Variants in CHST11 observed in about 807,000 individuals in gnomAD.
CHST11 encodes the protein carbohydrate sulfotransferase 11, also known as C4S-1.
CHST11 carries 9 observed loss-of-function variants against 30.4 expected under a neutral mutation model. That is an observed-to-expected ratio of 0.30 (90% CI 0.18 to 0.52). CHST11 has a LOEUF of 0.52. Among genes scored for constraint, CHST11 ranks in the 20% least tolerant of loss-of-function variants. The pLI is 0.97. For missense variants in CHST11, 348 were observed against 460.6 expected, an observed-to-expected ratio of 0.76 and a Z score of 2.24; for synonymous variants, 152 against 187.8, an observed-to-expected ratio of 0.81 and a Z score of 1.56.
At chr12:104,580,991 C>T (rs78356505) in intron 1 of CHST11, among the ~76,000 whole-genome samples, 26,313 of 152,158 alleles carry the variant, frequency 0.17, 3,718 homozygotes, top group African/African-American at 0.39. Context: ...TTATTGAGAT[C>T]AGGACAAAGT....
At chr12:104,512,072 A>AT (rs1474889841) in intron 1 of CHST11, among the ~76,000 whole-genome samples, 5 of 152,014 alleles carry the variant, frequency 3.3e-5, no homozygotes, top group Admixed American at 1.3e-4. Flanking sequence ...AAATTGTTAT[A>AT]TTTTTTCCCC....
In CHST11 at chr12:104,597,791, G is replaced by A. The variant is rs114995934; in HGVS notation, c.119-4115G>A. The stretch of plus-strand genomic sequence containing the variant: ...ATTTTGATGAATCCTGTTGTATTTT[G>A]GACTTGTCCTGGAAGTGGCCAGCCA... On this transcript the variant is annotated intron_variant, in intron 1 of 2. Transcript: ENST00000303694. Among the ~76,000 whole-genome samples the A allele has an allele frequency of 5.4e-3, 816 of 152,272 alleles. 7 individuals are homozygous for A. The highest frequency in any genetic ancestry group is 0.019 in the African/African-American group (793 of 41,538).
chr12:104,480,458 A>T (rs540403791), intron 1 of CHST11, among the ~76,000 whole-genome samples: 20 of 151,866 alleles, frequency 1.3e-4, no homozygotes, highest in African/African-American at 4.6e-4. Context: ...GGTGCCTGTA[A>T]TCCCAGCTAC....
intron 1 of CHST11, among the ~76,000 whole-genome samples, chr12:104,554,648 C>T (rs1185683470): frequency 1.3e-5 from 2 of 152,216 alleles, no homozygotes; most frequent in Admixed American, 1.3e-4. Context: ...GAGGAGTGAG[C>T]ATCCCCTGCC....
At chr12:104,654,116 T>G (rs1328998405) in intron 2 of CHST11, among the ~76,000 whole-genome samples, 1 of 152,138 alleles carries the variant, frequency 6.6e-6, no homozygotes, top group Non-Finnish European at 1.5e-5. Context: ...GTGCCGGGGA[T>G]GCAGAGGTGA....
At chr12:104,611,346 T>C (rs2039057843) in intron 2 of CHST11, among the ~76,000 whole-genome samples, 1 of 152,226 alleles carries the variant, frequency 6.6e-6, no homozygotes, top group Admixed American at 6.5e-5. Flanking sequence ...AAGTGCTCAG[T>C]AGCTGCATGT....
At chr12:104,558,509 T>G (rs184314935) in intron 1 of CHST11, among the ~76,000 whole-genome samples, 50 of 150,288 alleles carry the variant, frequency 3.3e-4, no homozygotes, top group African/African-American at 1.1e-3. Context: ...TTCTGTTGAC[T>G]ATTGTCATTC....
chr12:104,498,071 A>C (rs1373123982), intron 1 of CHST11, among the ~76,000 whole-genome samples: 1 of 151,696 alleles, frequency 6.6e-6, no homozygotes, highest in African/African-American at 2.4e-5. Context: ...GGCATGTACC[A>C]CCACACTTGG....
At chr12:104,496,796 A>G (rs1736704980) in intron 1 of CHST11, among the ~76,000 whole-genome samples, 1 of 151,904 alleles carries the variant, frequency 6.6e-6, no homozygotes, top group Admixed American at 6.6e-5. Flanking sequence ...AATCCTAGAG[A>G]GTTTGTAGGA....
intron 2 of CHST11, among the ~76,000 whole-genome samples, chr12:104,679,640 C>T (rs960169466): frequency 1.3e-5 from 2 of 152,156 alleles, no homozygotes; most frequent in Non-Finnish European, 2.9e-5. Context: ...CCTGAACATA[C>T]TGGGGCCGCC....
chr12:104,588,993 A>C (rs2038831991), intron 1 of CHST11: 1 of 152,212 alleles, frequency 6.6e-6, no homozygotes, highest in Non-Finnish European at 1.5e-5. Flanking sequence ...AGAATAACGA[A>C]ATTCTCATAC....
chr12:104,757,591 G>A lies in CHST11; in HGVS notation c.847G>A (p.Glu283Lys), dbSNP rs751574857. Residue 283 changes from glutamate (E) to lysine (K), a missense_variant, in exon 3 of 3, where the codon GAA becomes AAA. This residue lies in a region of CHST11 where 210 missense variants were observed against 287.2 expected (regional missense o/e 0.73). Coordinates refer to ENST00000303694, the MANE Select transcript of CHST11 (RefSeq NM_018413.6). This position sits in a 1 kb window ranked among gnomAD's most constrained non-coding sequence, Gnocchi z 6.5. ...YDLVGKYETL[E>K]EDSNYVLQLA... The stretch of plus-strand genomic sequence containing the variant: ...CCTCGTGGGCAAGTACGAGACACTG[G>A]AAGAGGATTCTAATTACGTCCTGCA... 1 of 1,614,180 alleles carries A rather than the reference G, an allele frequency of 6.2e-7. No homozygotes were observed. Among genetic ancestry groups the A allele is most frequent in the South Asian group, 1.1e-5 (1 of 91,080 alleles).
intron 2 of CHST11, among the ~76,000 whole-genome samples, chr12:104,634,239 C>T (rs1386572496): frequency 6.6e-6 from 1 of 152,198 alleles, no homozygotes. Context: ...TACCATGAAT[C>T]CCCAGTGCAT....
chr12:104,651,688 C>G (rs2039491319), intron 2 of CHST11, among the ~76,000 whole-genome samples: 1 of 152,174 alleles, frequency 6.6e-6, no homozygotes, highest in South Asian at 2.1e-4. Flanking sequence ...GGAAACAAAA[C>G]CAGGGCCTAT....
chr12:104,547,116 G>C (rs2038358151), intron 1 of CHST11, among the ~76,000 whole-genome samples: 1 of 152,230 alleles, frequency 6.6e-6, no homozygotes, highest in African/African-American at 2.4e-5. Flanking sequence ...CGAGTTTATA[G>C]TGCAGTGCCA....
chr12:104,709,488 C>G (rs1566048069), intron 2 of CHST11, among the ~76,000 whole-genome samples: 1 of 152,190 alleles, frequency 6.6e-6, no homozygotes, highest in Non-Finnish European at 1.5e-5. Flanking sequence ...TCTGCCAGCT[C>G]TGGGTGGGGC....
chr12:104,719,845 G>T (rs2136125697), intron 2 of CHST11, among the ~76,000 whole-genome samples: 1 of 152,322 alleles, frequency 6.6e-6, no homozygotes, highest in East Asian at 1.9e-4. Context: ...ACTGTCCCCA[G>T]ATGCCCCAGG....
At chr12:104,537,153 T>C (rs1420804391) in intron 1 of CHST11, among the ~76,000 whole-genome samples, 1 of 152,232 alleles carries the variant, frequency 6.6e-6, no homozygotes, top group African/African-American at 2.4e-5. Context: ...CATTATCATG[T>C]CACTCTGGAA....
At chr12:104,643,990 A>G (rs1230557960) in intron 2 of CHST11, among the ~76,000 whole-genome samples, 3 of 152,018 alleles carry the variant, frequency 2.0e-5, no homozygotes, top group Non-Finnish European at 4.4e-5. Context: ...AAACAAAGGA[A>G]CCTCTTAGGT....
Sources: allele counts gnomAD v4.1 joint callset (sites outside exome capture counted in the v4.1 genomes callset), GRCh38; gene constraint gnomAD v4.1.1; regional missense constraint gnomAD v4.1.1; non-coding constraint Gnocchi (gnomAD v3.1); transcripts MANE v1.5; gene names NCBI Gene and HGNC (gene_info 2026-07-23, HGNC 2026-07-21).